Variants in CMSS1 observed in about 807,000 individuals in gnomAD.
CMSS1 encodes the protein cms1 ribosomal small subunit homolog.
A neutral mutation model predicts 43.5 loss-of-function variants in CMSS1; 33 were observed. That is an observed-to-expected ratio of 0.76 (90% CI 0.57 to 1.01). The LOEUF is 1.01. CMSS1 is among the 50% of genes least tolerant of loss of function. CMSS1 has a pLI of 0.00. For synonymous variants in CMSS1, 115 were observed against 117.2 expected, an observed-to-expected ratio of 0.98 and a Z score of 0.12; for missense variants, 313 against 326.4, an observed-to-expected ratio of 0.96 and a Z score of 0.32.
chr3:99,831,709 G>T (rs1239059147), intron 1 of CMSS1, among the ~76,000 whole-genome samples: 1 of 152,176 alleles, frequency 6.6e-6, no homozygotes, highest in Non-Finnish European at 1.5e-5. Flanking sequence ...TCTATGTTGG[G>T]ATCGTCTTTA....
intron 1 of CMSS1, among the ~76,000 whole-genome samples, chr3:100,139,877 A>T (rs1221594406): frequency 6.6e-6 from 1 of 151,444 alleles, no homozygotes; most frequent in African/African-American, 2.4e-5. Flanking sequence ...ATTTGTTTAT[A>T]CACTGCCTAG....
intron 1 of CMSS1, among the ~76,000 whole-genome samples, chr3:100,139,871 GTTTATACACTGCCTAGGGCAGTGTATAAA>G (rs1006986953): frequency 1.3e-5 from 2 of 150,380 alleles, no homozygotes; most frequent in Non-Finnish European, 1.5e-5. Context: ...ATTTCCATTT[GTTTATACACTGCCTAGGGCAGTGTATAAA>G]TTAGAACAGC....
At chr3:99,997,789 TAG>T (rs1559719448) in intron 1 of CMSS1, among the ~76,000 whole-genome samples, 2 of 152,144 alleles carry the variant, frequency 1.3e-5, no homozygotes, top group African/African-American at 4.8e-5. Context: ...CATGAGGTAA[TAG>T]AGTTTTGATT....
intron 1 of CMSS1, among the ~76,000 whole-genome samples, chr3:99,847,014 T>C (rs116088455): frequency 0.022 from 3,421 of 152,332 alleles, 69 homozygotes; most frequent in Middle Eastern, 0.054. Context: ...GGGACTCCCA[T>C]GAGGCAGATA....
intron 1 of CMSS1, among the ~76,000 whole-genome samples, chr3:99,896,300 G>A (rs560508027): frequency 6.6e-6 from 1 of 152,316 alleles, no homozygotes; most frequent in African/African-American, 2.4e-5. Context: ...ATATGCAAAA[G>A]GAAGGCAAGG....
intron 1 of CMSS1, among the ~76,000 whole-genome samples, chr3:100,107,128 T>TA (rs962713699): frequency 2.2e-4 from 33 of 151,702 alleles, no homozygotes; most frequent in Admixed American, 7.2e-4. Flanking sequence ...TCCATACAGT[T>TA]AAAAAAAAAT....
chr3:99,869,974 C>T (rs1944708982), intron 1 of CMSS1, among the ~76,000 whole-genome samples: 1 of 152,078 alleles, frequency 6.6e-6, no homozygotes, highest in Non-Finnish European at 1.5e-5. Flanking sequence ...CAGCTGTGTT[C>T]ATCTTTTCTC....
chr3:99,967,855 C>T (rs1293149222), intron 1 of CMSS1, among the ~76,000 whole-genome samples: 1 of 152,152 alleles, frequency 6.6e-6, no homozygotes, highest in Non-Finnish European at 1.5e-5. Context: ...GAAAGAGACA[C>T]AACATGCTCA....
chr3:100,117,015 C>T (rs2066576127), intron 1 of CMSS1, among the ~76,000 whole-genome samples: 1 of 152,112 alleles, frequency 6.6e-6, no homozygotes, highest in South Asian at 2.1e-4. Flanking sequence ...AATCATCATG[C>T]AATCTCTGTG....
chr3:100,153,302 T>C (rs1435025567), intron 2 of CMSS1, among the ~76,000 whole-genome samples: 2 of 152,260 alleles, frequency 1.3e-5, no homozygotes, highest in Non-Finnish European at 2.9e-5. Flanking sequence ...ATCATACAGT[T>C]ACATGCTGTT....
intron 1 of CMSS1, among the ~76,000 whole-genome samples, chr3:99,987,971 G>C (rs936753989): frequency 4.6e-5 from 7 of 152,188 alleles, no homozygotes; most frequent in African/African-American, 1.7e-4. Context: ...CCATCATTCT[G>C]TTTCTTAAGA....
chr3:99,825,761 C>CTTTTTT (rs1559646597), intron 1 of CMSS1, among the ~76,000 whole-genome samples: 1 of 144,000 alleles, frequency 6.9e-6, no homozygotes, highest in South Asian at 2.2e-4. Context: ...ATCTTTTTTT[C>CTTTTTT]TTTTTTTCTT....
intron 1 of CMSS1, among the ~76,000 whole-genome samples, chr3:99,881,795 A>G (rs941677529): frequency 2.6e-5 from 4 of 152,114 alleles, no homozygotes; most frequent in African/African-American, 9.7e-5. Context: ...GGCCTTCCAA[A>G]GTGCTGGGAT....
At chr3:100,129,427 A>T (rs1242461073) in intron 1 of CMSS1, among the ~76,000 whole-genome samples, 1 of 152,198 alleles carries the variant, frequency 6.6e-6, no homozygotes, top group Non-Finnish European at 1.5e-5. Context: ...TTTCACAGCA[A>T]TAATGATTTT....
chr3:99,837,298 GT>G (rs1344273033), intron 1 of CMSS1, among the ~76,000 whole-genome samples: 1 of 152,058 alleles, frequency 6.6e-6, no homozygotes, highest in Non-Finnish European at 1.5e-5. Flanking sequence ...GCAGTTTTTA[GT>G]TAGCTCCTGT....
At chr3:100,126,275 G>A (rs1350964721) in intron 1 of CMSS1, among the ~76,000 whole-genome samples, 1 of 152,174 alleles carries the variant, frequency 6.6e-6, no homozygotes, top group African/African-American at 2.4e-5. Flanking sequence ...ATACTGAAAA[G>A]ACAGTTGAAA....
intron 1 of CMSS1, among the ~76,000 whole-genome samples, chr3:99,973,579 A>G (rs1708884526): frequency 6.6e-6 from 1 of 152,182 alleles, no homozygotes; most frequent in South Asian, 2.1e-4. Flanking sequence ...AAAGTTATCA[A>G]CATCCTCCCT....
intron 1 of CMSS1, chr3:99,931,011 T>C (rs1227573297): frequency 6.2e-7 from 1 of 1,613,620 alleles, no homozygotes; most frequent in South Asian, 1.1e-5. Context: ...TCACTGCCTC[T>C]GGAACGCATT....
intron 1 of CMSS1, among the ~76,000 whole-genome samples, chr3:99,853,608 G>T (rs1359416536): frequency 1.3e-5 from 2 of 152,108 alleles, no homozygotes; most frequent in Non-Finnish European, 2.9e-5. Flanking sequence ...TTTCAGCCTG[G>T]GGCATGTTGC....
Sources: gnomAD v4.1 joint callset for allele counts (sites outside exome capture counted in the v4.1 genomes callset) on GRCh38, gnomAD v4.1.1 for gene constraint, MANE v1.5 for transcripts, NCBI Gene and HGNC (gene_info 2026-07-23, HGNC 2026-07-21) for gene names.